LIN9: variants seen among roughly 807,000 people sequenced by gnomAD.
The protein encoded by LIN9 is lin-9 DREAM MuvB core complex component, also known as protein lin-9 homolog.
In LIN9, 18 loss-of-function variants were observed where a neutral mutation model predicts 78.0. That is an observed-to-expected ratio of 0.23 (90% CI 0.16 to 0.34). The LOEUF (loss-of-function observed/expected upper bound fraction) is 0.34, where lower values mean the gene tolerates loss of function less well. Among genes scored for constraint, LIN9 ranks in the 10% least tolerant of loss-of-function variants. The probability of loss-of-function intolerance (pLI) is 1.00; values close to 1 mark genes in which losing one functional copy is unlikely to be tolerated. For synonymous variants in LIN9, 192 were observed against 215.2 expected (o/e 0.89, Z 0.94); for missense variants, 451 against 644.1 (o/e 0.70, Z 3.25).
chr1:226,274,171 T>C (rs536086905), intron 7 of LIN9, among the ~76,000 whole-genome samples: 1 of 152,322 alleles, frequency 6.6e-6, no homozygotes, highest in East Asian at 1.9e-4. Flanking sequence ...TGTGTGTTCT[T>C]ACATAAAATT....
intron 12 of LIN9, 147 bp downstream of exon 12, chr1:226,238,824 C>A: frequency 1.5e-6 from 1 of 683,570 alleles, no homozygotes; most frequent in South Asian, 2.5e-5. Flanking sequence ...AACACTGATG[C>A]TGGGAGGAGT....
intron 7 of LIN9, among the ~76,000 whole-genome samples, chr1:226,271,621 C>T (rs1660283404): frequency 6.6e-6 from 1 of 152,072 alleles, no homozygotes; most frequent in Non-Finnish European, 1.5e-5. Flanking sequence ...TGTTGAGATC[C>T]TCTATATGTG....
chr1:226,249,124 A>C (rs1197053629), intron 11 of LIN9, among the ~76,000 whole-genome samples: 1 of 152,206 alleles, frequency 6.6e-6, no homozygotes, highest in Non-Finnish European at 1.5e-5. Flanking sequence ...AGTGATATTA[A>C]AGGGAAATAA....
At chr1:226,302,256 T>C (rs1025135434) in intron 1 of LIN9, among the ~76,000 whole-genome samples, 1 of 151,824 alleles carries the variant, frequency 6.6e-6, no homozygotes, top group Admixed American at 6.6e-5. Context: ...GAAAAATCAA[T>C]AGAGAGGCCG....
At chr1:226,255,105 T>C (rs561577354) in intron 10 of LIN9, among the ~76,000 whole-genome samples, 1 of 151,966 alleles carries the variant, frequency 6.6e-6, no homozygotes, top group African/African-American at 2.4e-5. Context: ...CTGTAATATA[T>C]GTGGTAGGTG....
chr1:226,306,249 C>T (rs1662909658), intron 1 of LIN9, among the ~76,000 whole-genome samples: 1 of 151,800 alleles, frequency 6.6e-6, no homozygotes, highest in South Asian at 2.1e-4. Context: ...GGCTTGAACC[C>T]GGGAGGCGGA....
At position 226,307,439 on chromosome 1, in the gene LIN9, C is replaced by T. The variant is rs1346059144; in HGVS notation, c.31+1670G>A. 2.0e-5 allele frequency among the ~76,000 whole-genome samples: 3 copies of T among 152,088 alleles called. No individual in the cohort carries two copies. The East Asian group carries it at 5.8e-4, about 29-fold the overall frequency. On this transcript the variant is annotated intron_variant, in intron 1 of 14. Transcript: ENST00000681046. ...CCTGAGGTCGGGAGTTCGAGACCAGCCTGACCAACATGGAGAAACCCCCAT... is the reference window on the plus strand; with the variant it reads ...CCTGAGGTCGGGAGTTCGAGACCAGTCTGACCAACATGGAGAAACCCCCAT...
intron 8 of LIN9, among the ~76,000 whole-genome samples, chr1:226,267,343 T>TATGTATGTATGTATGC (rs1387096547): frequency 2.7e-5 from 4 of 146,494 alleles, no homozygotes; most frequent in African/African-American, 1.0e-4. Context: ...TGTATGTATG[T>TATGTATGTATGTATGC]ATATTCTAGG....
intron 11 of LIN9, among the ~76,000 whole-genome samples, chr1:226,242,650 A>G (rs926788946): frequency 3.9e-5 from 6 of 152,130 alleles, no homozygotes; most frequent in Non-Finnish European, 8.8e-5. Context: ...ACTTTTTTTA[A>G]AATTAATTTT....
At chr1:226,279,751 C>T (rs947925765) in intron 6 of LIN9, among the ~76,000 whole-genome samples, 5 of 106,242 alleles carry the variant, frequency 4.7e-5, no homozygotes, top group Non-Finnish European at 7.1e-5. Context: ...GCCTGGGCAA[C>T]AGAGCAAGAC....
In LIN9 at chr1:226,233,526, G is replaced by A. The variant is rs775758856; in HGVS notation, c.1246-3C>T. ...TGGAGCCCCTGGTCTGGAGCAAGCTGAATACAGATGATTGAAGCATGAGAC... is the reference window on the plus strand; with the variant it reads ...TGGAGCCCCTGGTCTGGAGCAAGCTAAATACAGATGATTGAAGCATGAGAC... On this transcript the variant is annotated splice_region_variant and splice_polypyrimidine_tract_variant and intron_variant, in intron 12 of 14. Coordinates refer to ENST00000681046, the MANE Select transcript of LIN9 (RefSeq NM_001366245.2). 1 of 1,601,804 alleles carries A rather than the reference G, an allele frequency of 6.2e-7. No individual in the cohort carries two copies. Among genetic ancestry groups the A allele is most frequent in the South Asian group, 1.1e-5 (1 of 89,050 alleles).
intron 1 of LIN9, among the ~76,000 whole-genome samples, chr1:226,306,655 T>C (rs1041894263): frequency 1.3e-4 from 20 of 152,242 alleles, no homozygotes; most frequent in Admixed American, 1.3e-3. Context: ...TTGCATGGCA[T>C]CTGGTTCATA....
intron 10 of LIN9, among the ~76,000 whole-genome samples, chr1:226,258,584 T>C (rs1659353142): frequency 6.8e-6 from 1 of 147,650 alleles, no homozygotes; most frequent in South Asian, 2.2e-4. Flanking sequence ...CAAGAAAAGG[T>C]GTCAGGAATA....
At chr1:226,269,199 G>A (rs1660110926) in intron 7 of LIN9, among the ~76,000 whole-genome samples, 1 of 152,144 alleles carries the variant, frequency 6.6e-6, no homozygotes, top group African/African-American at 2.4e-5. Flanking sequence ...ATGCAAGACT[G>A]TTTAAAATAA....
chr1:226,269,085 T>A (rs1301020226), intron 7 of LIN9, among the ~76,000 whole-genome samples: 2 of 152,122 alleles, frequency 1.3e-5, no homozygotes, highest in African/African-American at 4.8e-5. Context: ...AGTAAAAAAT[T>A]TAAGAACAAC....
chr1:226,304,578 C>T (rs1201522349), intron 1 of LIN9, among the ~76,000 whole-genome samples: 9 of 152,138 alleles, frequency 5.9e-5, no homozygotes, highest in African/African-American at 2.2e-4. Context: ...ACTCTAAGTA[C>T]TAGCTACCTT....
At chr1:226,259,627 A>G (rs1284486243) in intron 10 of LIN9, among the ~76,000 whole-genome samples, 1 of 152,246 alleles carries the variant, frequency 6.6e-6, no homozygotes, top group Non-Finnish European at 1.5e-5. Flanking sequence ...TCTACTAGAA[A>G]TCAATAACAA....
chr1:226,239,423 G>C (rs1657956932), intron 11 of LIN9, among the ~76,000 whole-genome samples: 1 of 152,188 alleles, frequency 6.6e-6, no homozygotes, highest in African/African-American at 2.4e-5. Flanking sequence ...AGGATTGTTA[G>C]TTGTTAAACC....
At chr1:226,307,435 C>T (rs1662984009) in intron 1 of LIN9, among the ~76,000 whole-genome samples, 1 of 152,122 alleles carries the variant, frequency 6.6e-6, no homozygotes, top group Non-Finnish European at 1.5e-5. Flanking sequence ...GAGTTCGAGA[C>T]CAGCCTGACC....
Sources: allele counts gnomAD v4.1 joint callset (sites outside exome capture counted in the v4.1 genomes callset), GRCh38; gene constraint gnomAD v4.1.1; transcripts MANE v1.5; gene names NCBI Gene and HGNC (gene_info 2026-07-23, HGNC 2026-07-21).